MINDY4: variants seen among roughly 807,000 people sequenced by gnomAD.
The protein encoded by MINDY4 is probable ubiquitin carboxyl-terminal hydrolase MINDY-4.
In MINDY4, 68 loss-of-function variants were observed where a neutral mutation model predicts 87.0. The ratio of observed to expected loss-of-function variants is 0.78; its 90% CI spans 0.64 to 0.96. The LOEUF (loss-of-function observed/expected upper bound fraction) is 0.96. Among genes scored for constraint, MINDY4 ranks in the 40% least tolerant of loss-of-function variants. MINDY4 has a pLI of 0.00. For missense variants in MINDY4, 919 were observed against 928.2 expected (o/e 0.99, Z 0.13); for synonymous variants, 379 against 363.2 (o/e 1.04, Z -0.50).
At chr7:30,856,130 TA>T (rs1789562250) in intron 12 of MINDY4, among the ~76,000 whole-genome samples, 1 of 152,138 alleles carries the variant, frequency 6.6e-6, no homozygotes, top group Admixed American at 6.5e-5. Flanking sequence ...AGTTCCTTGG[TA>T]GACTCAGGTC....
At chr7:30,888,277 C>T (rs568656900) in intron 17 of MINDY4, among the ~76,000 whole-genome samples, 14 of 152,280 alleles carry the variant, frequency 9.2e-5, no homozygotes, top group South Asian at 2.1e-4. Context: ...GTGGTCTCAA[C>T]GGGACAATTG....
intron 3 of MINDY4, among the ~76,000 whole-genome samples, chr7:30,782,802 C>G (rs1204663259): frequency 1.3e-5 from 2 of 152,158 alleles, no homozygotes; most frequent in East Asian, 3.9e-4. Context: ...AATCTGGAAA[C>G]TCAGACAGGA....
At chr7:30,837,557 C>A (rs1788897031) in intron 7 of MINDY4, among the ~76,000 whole-genome samples, 2 of 152,204 alleles carry the variant, frequency 1.3e-5, no homozygotes, top group Admixed American at 1.3e-4. Flanking sequence ...TCATATCTCC[C>A]CCTTCTTCCA....
In MINDY4 at chr7:30,836,823, G is replaced by A. The variant is rs566476872; in HGVS notation, c.1239+59G>A. ...CTTGATTTGAATGGATATAGATGGC[G>A]TGATTTTGGTGTTTCTGCCCCAATC... On this transcript the variant is annotated intron_variant, in intron 7 of 17. Coordinates refer to ENST00000265299, the MANE Select transcript of MINDY4 (RefSeq NM_032222.3). 50 of 1,280,194 alleles carry A rather than the reference G, an allele frequency of 3.9e-5. 1 individual carries two copies. In the South Asian group the frequency reaches 4.9e-4, roughly 13 times the overall value. The allele number at this position is 1,280,194 out of a possible 1,614,324, so 79.3% of individuals were successfully genotyped here. A position where few individuals can be genotyped will look rare whatever the true frequency, so the allele number is the denominator to read the frequency against.
chr7:30,815,780 A>T (rs1788129221), intron 5 of MINDY4, among the ~76,000 whole-genome samples: 1 of 152,082 alleles, frequency 6.6e-6, no homozygotes, highest in South Asian at 2.1e-4. Context: ...TTTGGAGCTG[A>T]CTTCAGCCGT....
At chr7:30,777,974 G>A (rs1181198550) in intron 1 of MINDY4, among the ~76,000 whole-genome samples, 1 of 152,166 alleles carries the variant, frequency 6.6e-6, no homozygotes, top group Non-Finnish European at 1.5e-5. Flanking sequence ...TCATGGGCCT[G>A]GGTCCCAGAG....
chr7:30,811,100 G>A (rs1334467172), intron 5 of MINDY4, among the ~76,000 whole-genome samples: 8 of 151,946 alleles, frequency 5.3e-5, no homozygotes, highest in Admixed American at 4.6e-4. Context: ...ACTTGAGCCA[G>A]CCTAGGAAGG....
chr7:30,777,934 G>T (rs1375679723), intron 1 of MINDY4, among the ~76,000 whole-genome samples: 2 of 152,152 alleles, frequency 1.3e-5, no homozygotes, highest in Non-Finnish European at 1.5e-5. Flanking sequence ...AAGTGGCTTT[G>T]CTCATGACTT....
At chr7:30,810,154 G>A (rs1168210816) in intron 5 of MINDY4, among the ~76,000 whole-genome samples, 6 of 115,100 alleles carry the variant, frequency 5.2e-5, no homozygotes, top group Admixed American at 2.4e-4. Flanking sequence ...CAGCCTGGGC[G>A]ACAGAGCAAG....
intron 1 of MINDY4, among the ~76,000 whole-genome samples, chr7:30,775,730 A>G (rs371301071): frequency 6.6e-6 from 1 of 152,140 alleles, no homozygotes; most frequent in Non-Finnish European, 1.5e-5. Context: ...ACATTAGCAT[A>G]CAGAAGACAT....
At chr7:30,780,378 A>T (rs1786970857) in intron 2 of MINDY4, 1 of 152,230 alleles carries the variant, frequency 6.6e-6, no homozygotes. Context: ...CTAATTTCCC[A>T]AAAGTGTCTT....
chr7:30,884,011 G>T (rs187915532), intron 17 of MINDY4, among the ~76,000 whole-genome samples: 148 of 152,244 alleles, frequency 9.7e-4, no homozygotes, highest in African/African-American at 3.4e-3. Flanking sequence ...TTGTGCTCAC[G>T]ATGATGACCT....
intron 5 of MINDY4, among the ~76,000 whole-genome samples, chr7:30,800,520 C>T (rs1584252634): frequency 6.6e-6 from 1 of 152,064 alleles, no homozygotes; most frequent in East Asian, 1.9e-4. Flanking sequence ...GGTTCCCTGC[C>T]TCCAGAAGCC....
chr7:30,853,162 G>T (rs1332147893), intron 11 of MINDY4, among the ~76,000 whole-genome samples: 2 of 152,246 alleles, frequency 1.3e-5, no homozygotes, highest in Non-Finnish European at 2.9e-5. Flanking sequence ...CAGGCCCAGA[G>T]CTGCCGTAGG....
At chr7:30,845,855 T>C (rs1038203868) in intron 9 of MINDY4, among the ~76,000 whole-genome samples, 2 of 152,182 alleles carry the variant, frequency 1.3e-5, no homozygotes, top group African/African-American at 4.8e-5. Context: ...ACTCATTCCA[T>C]CAGGCCGGCA....
In MINDY4 at chr7:30,810,450, A is replaced by G. The variant is rs1401098448; in HGVS notation, c.1074-18229A>G. On this transcript the variant is annotated intron_variant, in intron 5 of 17. Transcript: ENST00000265299. ...GAATGTAAATTTTTACCTACATTAAAAGGTTAAAAAAACTTTTTTTGAAGG... is the reference window on the plus strand; with the variant it reads ...GAATGTAAATTTTTACCTACATTAAGAGGTTAAAAAAACTTTTTTTGAAGG... Among the ~76,000 whole-genome samples the G allele has an allele frequency of 7.9e-5, 12 of 152,194 alleles. No homozygotes were observed. The East Asian group carries it at 2.3e-3, about 29-fold the overall frequency.
rs573293343 is a variant in MINDY4 at position 30,854,118 on chromosome 7, G to T, written c.1677+659G>T. Among the ~76,000 whole-genome samples, 3 of 152,292 alleles carry T rather than the reference G, an allele frequency of 2.0e-5. No individual in the cohort carries two copies. The East Asian group carries it at 5.8e-4, about 29-fold the overall frequency. On this transcript the variant is annotated intron_variant, in intron 12 of 17. Transcript: ENST00000265299. ...TGGTATCACAGACTCTGTGGGGAGGGGCTACACACTCCAGGGGTAAAGAAC... is the reference window on the plus strand; with the variant it reads ...TGGTATCACAGACTCTGTGGGGAGGTGCTACACACTCCAGGGGTAAAGAAC...
chr7:30,853,206 G>T (rs543164738), intron 11 of MINDY4, among the ~76,000 whole-genome samples, 188 bp from the exon 12 acceptor site: 2 of 152,334 alleles, frequency 1.3e-5, no homozygotes, highest in Admixed American at 6.5e-5. Flanking sequence ...AGCGGTACCG[G>T]CCAGCCTTTC....
chr7:30,870,376 A>G (rs1439216218), intron 13 of MINDY4, among the ~76,000 whole-genome samples: 1 of 152,128 alleles, frequency 6.6e-6, no homozygotes, highest in Non-Finnish European at 1.5e-5. Flanking sequence ...GAGCATTTCC[A>G]TCAATTCTTC....
Sources: gnomAD v4.1 joint callset for allele counts (sites outside exome capture counted in the v4.1 genomes callset) on GRCh38, gnomAD v4.1.1 for gene constraint, MANE v1.5 for transcripts, NCBI Gene and HGNC (gene_info 2026-07-23, HGNC 2026-07-21) for gene names.